MNAT1: variants seen among roughly 807,000 people sequenced by gnomAD.
MNAT1 encodes the protein MNAT1 component of CDK activating kinase, also known as CDK-activating kinase assembly factor MAT1.
Under a neutral mutation model 42.0 loss-of-function variants are expected in MNAT1, and 43 were observed. The ratio of observed to expected loss-of-function variants is 1.02; its 90% CI spans 0.80 to 1.32. The LOEUF is 1.32. Among genes scored for constraint, MNAT1 ranks in the 40% most tolerant of loss-of-function variants. The pLI is 0.00. For synonymous variants in MNAT1, 118 were observed against 120.0 expected, an observed-to-expected ratio of 0.98 and a Z score of 0.11; for missense variants, 306 against 350.4, an observed-to-expected ratio of 0.87 and a Z score of 1.01.
At chr14:60,817,209 A>C (rs1020678926) in intron 5 of MNAT1, among the ~76,000 whole-genome samples, 13 of 151,828 alleles carry the variant, frequency 8.6e-5, no homozygotes, top group Non-Finnish European at 1.5e-4. Flanking sequence ...ACAGCCCATT[A>C]AAAATGTTCT....
intron 1 of MNAT1, among the ~76,000 whole-genome samples, chr14:60,758,579 C>T (rs2030463645): frequency 6.6e-6 from 1 of 151,870 alleles, no homozygotes; most frequent in African/African-American, 2.4e-5. Context: ...TTACTACCGC[C>T]CACTCCTCCC....
intron 7 of MNAT1, among the ~76,000 whole-genome samples, chr14:60,938,656 G>A (rs56252694): frequency 0.22 from 33,743 of 152,038 alleles, 4,175 homozygotes; most frequent in Middle Eastern, 0.3. Flanking sequence ...GAGAATTTTT[G>A]TATCAATGTT....
intron 1 of MNAT1, among the ~76,000 whole-genome samples, chr14:60,783,813 TTTTAAA>T (rs1426788397): frequency 6.6e-6 from 1 of 151,996 alleles, no homozygotes; most frequent in African/African-American, 2.4e-5. Context: ...TTAGTTTTAC[TTTTAAA>T]TAAAGAGCAA....
chr14:60,909,764 T>A (rs1284181656), intron 7 of MNAT1, among the ~76,000 whole-genome samples: 1 of 152,234 alleles, frequency 6.6e-6, no homozygotes, highest in African/African-American at 2.4e-5. Context: ...GCGTGATGCC[T>A]CCAGCTTTGT....
chr14:60,756,267 CAT>C (rs2030345772), intron 1 of MNAT1, among the ~76,000 whole-genome samples: 1 of 152,148 alleles, frequency 6.6e-6, no homozygotes, highest in Admixed American at 6.5e-5. Flanking sequence ...ATTTGTTGAA[CAT>C]ATGCATTAAA....
At chr14:60,894,152 C>G (rs1394934293) in intron 7 of MNAT1, among the ~76,000 whole-genome samples, 2 of 152,070 alleles carry the variant, frequency 1.3e-5, no homozygotes, top group Non-Finnish European at 2.9e-5. Context: ...GGTTTCCTGC[C>G]TTTCCTCAGT....
chr14:60,929,560 A>G (rs950150637), intron 7 of MNAT1, among the ~76,000 whole-genome samples: 4 of 151,922 alleles, frequency 2.6e-5, no homozygotes, highest in Non-Finnish European at 4.4e-5. Flanking sequence ...TCCTCACTGA[A>G]CTCCCTTTAA....
At chr14:60,940,370 A>G (rs1303544615) in intron 7 of MNAT1, among the ~76,000 whole-genome samples, 1 of 152,098 alleles carries the variant, frequency 6.6e-6, no homozygotes, top group Non-Finnish European at 1.5e-5. Flanking sequence ...GTGGCTCTGG[A>G]GACCCCTTTT....
chr14:60,812,242 C>T (rs1304318685), intron 5 of MNAT1, 115 bp downstream of exon 5: 15 of 1,043,600 alleles, frequency 1.4e-5, no homozygotes, highest in African/African-American at 3.2e-5. Context: ...ATCTGGTTCA[C>T]CTTTAGTTTT....
At chr14:60,963,238 C>G (rs191201268) in intron 7 of MNAT1, among the ~76,000 whole-genome samples, 14 of 152,272 alleles carry the variant, frequency 9.2e-5, no homozygotes, top group Non-Finnish European at 1.9e-4. Context: ...CCTCGCCCTC[C>G]CAAAGTGCTG....
intron 7 of MNAT1, among the ~76,000 whole-genome samples, chr14:60,943,928 A>G (rs578185442): frequency 6.6e-6 from 1 of 152,250 alleles, no homozygotes; most frequent in Admixed American, 6.5e-5. Context: ...CTGCATTATC[A>G]TAGAATTCTT....
chr14:60,889,955 G>T (rs972646370), intron 7 of MNAT1, among the ~76,000 whole-genome samples: 15 of 152,260 alleles, frequency 9.9e-5, no homozygotes, highest in Admixed American at 2.6e-4. Flanking sequence ...GAAACAACAG[G>T]TGCTGGAGAG....
intron 7 of MNAT1, among the ~76,000 whole-genome samples, chr14:60,880,232 A>G (rs2034521881): frequency 1.3e-5 from 2 of 152,180 alleles, no homozygotes; most frequent in African/African-American, 4.8e-5. Context: ...TCTACAGTGA[A>G]ACTACATTTA....
intron 7 of MNAT1, among the ~76,000 whole-genome samples, chr14:60,927,052 T>A (rs1191503090): frequency 6.6e-6 from 1 of 152,220 alleles, no homozygotes; most frequent in East Asian, 1.9e-4. Context: ...ATTAGCCCTG[T>A]GCCAGGGACT....
At chr14:60,769,551 T>C (rs1404131117) in intron 1 of MNAT1, among the ~76,000 whole-genome samples, 1 of 152,166 alleles carries the variant, frequency 6.6e-6, no homozygotes, top group Non-Finnish European at 1.5e-5. Context: ...CCCTAAGTGT[T>C]GCGATTATAG....
At chr14:60,783,303 C>T (rs759402305) in intron 1 of MNAT1, among the ~76,000 whole-genome samples, 7 of 152,170 alleles carry the variant, frequency 4.6e-5, no homozygotes, top group Non-Finnish European at 7.3e-5. Flanking sequence ...TTCTGGCCTG[C>T]ACTTAAACTA....
chr14:60,796,460 A>C lies in MNAT1; in HGVS notation c.242+91A>C. 2.6e-6 allele frequency: 3 copies of C among 1,140,720 alleles called. No homozygotes were observed. In the South Asian group the frequency reaches 5.2e-5, roughly 20 times the overall value. The allele number at this position is 1,140,720 out of a possible 1,614,324, so 70.7% of individuals were successfully genotyped here. ...TTATTATTTGCTCATAAATGTGGACAGATTAGCAAGTAAATAACTATAAAT... is the reference window on the plus strand; with the variant it reads ...TTATTATTTGCTCATAAATGTGGACCGATTAGCAAGTAAATAACTATAAAT... On this transcript the variant is annotated intron_variant, in intron 2 of 7. Coordinates refer to ENST00000261245, the MANE Select transcript of MNAT1 (RefSeq NM_002431.4).
intron 3 of MNAT1, among the ~76,000 whole-genome samples, chr14:60,804,007 GAACAGATTATTCTTTTGGTGCAA>G (rs2032291446): frequency 6.6e-6 from 1 of 152,082 alleles, no homozygotes. Context: ...GTTTCATAAT[GAACAGATTATTCTTTTGGTGCAA>G]AACAGATTAT....
At chr14:60,934,703 G>A (rs1447854704) in intron 7 of MNAT1, among the ~76,000 whole-genome samples, 2 of 152,190 alleles carry the variant, frequency 1.3e-5, no homozygotes, top group Non-Finnish European at 2.9e-5. Context: ...CCAGTCTTGG[G>A]TGTGTCTTTA....
Sources: gnomAD v4.1 joint callset for allele counts (sites outside exome capture counted in the v4.1 genomes callset) on GRCh38, gnomAD v4.1.1 for gene constraint, MANE v1.5 for transcripts, NCBI Gene and HGNC (gene_info 2026-07-23, HGNC 2026-07-21) for gene names.